ZFAND3: variants seen among roughly 807,000 people sequenced by gnomAD.
ZFAND3 encodes AN1-type zinc finger protein 3.
Under a neutral mutation model 29.6 loss-of-function variants are expected in ZFAND3, and 10 were observed. The observed-to-expected ratio is 0.34, with a 90% CI of 0.21 to 0.57. ZFAND3 has a LOEUF of 0.57. ZFAND3 is among the 20% of genes least tolerant of loss of function. ZFAND3 has a pLI of 0.86. For missense variants in ZFAND3, 230 were observed against 304.5 expected (o/e 0.76, Z 1.82); for synonymous variants, 128 against 112.6 (o/e 1.14, Z -0.87).
intron 2 of ZFAND3, among the ~76,000 whole-genome samples, chr6:37,960,533 T>G (rs978238562): frequency 1.3e-5 from 2 of 152,216 alleles, no homozygotes; most frequent in Non-Finnish European, 2.9e-5. Context: ...AATTACATCC[T>G]CTTAGCACGT....
At chr6:38,078,606 T>A (rs1229903658) in intron 3 of ZFAND3, among the ~76,000 whole-genome samples, 1 of 152,272 alleles carries the variant, frequency 6.6e-6, no homozygotes, top group South Asian at 2.1e-4. Context: ...ACTTTGTAAT[T>A]TTTTTAGACA....
chr6:37,914,961 A>G (rs1201922692), intron 1 of ZFAND3, among the ~76,000 whole-genome samples: 9 of 152,114 alleles, frequency 5.9e-5, no homozygotes, highest in Non-Finnish European at 1.3e-4. Context: ...CTAACTACGA[A>G]GTCCTCTGTA....
intron 2 of ZFAND3, among the ~76,000 whole-genome samples, chr6:38,002,535 C>T (rs138011866): frequency 6.6e-6 from 1 of 152,032 alleles, no homozygotes; most frequent in East Asian, 1.9e-4. Context: ...AAAAATTAGC[C>T]TGGCTCGGTG....
chr6:38,121,953 G>A (rs1261453661), intron 5 of ZFAND3, among the ~76,000 whole-genome samples: 1 of 152,192 alleles, frequency 6.6e-6, no homozygotes, highest in Admixed American at 6.5e-5. Context: ...GCCTAAGCCA[G>A]TCTCTGCTAG....
At chr6:38,018,314 A>G (rs540292880) in intron 2 of ZFAND3, among the ~76,000 whole-genome samples, 10 of 152,198 alleles carry the variant, frequency 6.6e-5, no homozygotes, top group Non-Finnish European at 1.2e-4. Context: ...ACCTAAAACT[A>G]TTGTTTTGTA....
chr6:37,921,105 CTT>C (rs1392887590), intron 1 of ZFAND3, among the ~76,000 whole-genome samples: 2 of 152,122 alleles, frequency 1.3e-5, no homozygotes, highest in Non-Finnish European at 2.9e-5. Flanking sequence ...TTCTCCTTCT[CTT>C]TGTCCTCTTA....
At chr6:38,111,288 T>G (rs1765310892) in intron 4 of ZFAND3, among the ~76,000 whole-genome samples, 1 of 152,208 alleles carries the variant, frequency 6.6e-6, no homozygotes, top group Non-Finnish European at 1.5e-5. Context: ...CTGAAAATAT[T>G]TGGGAAAAAA....
intron 2 of ZFAND3, among the ~76,000 whole-genome samples, chr6:37,946,235 C>G (rs1032795810): frequency 1.3e-5 from 2 of 152,166 alleles, no homozygotes; most frequent in Non-Finnish European, 2.9e-5. Context: ...CTTGTATTTC[C>G]TACCTGATCT....
At chr6:37,885,401 T>G (rs1305140552) in intron 1 of ZFAND3, among the ~76,000 whole-genome samples, 1 of 152,140 alleles carries the variant, frequency 6.6e-6, no homozygotes, top group Non-Finnish European at 1.5e-5. Flanking sequence ...CCCAGCACTC[T>G]GGGGGGCTGT....
intron 3 of ZFAND3, among the ~76,000 whole-genome samples, chr6:38,073,802 A>AT (rs1764502248): frequency 6.6e-6 from 1 of 152,210 alleles, no homozygotes; most frequent in South Asian, 2.1e-4. Flanking sequence ...AAAATTGAAC[A>AT]TATTTAACTG....
At chr6:38,146,163 GCC>G (rs60591705) in intron 5 of ZFAND3, among the ~76,000 whole-genome samples, 55,289 of 151,882 alleles carry the variant, frequency 0.36, 10,400 homozygotes, top group African/African-American at 0.41. Flanking sequence ...TGTTCCATGT[GCC>G]CCCTCGCGAT....
intron 4 of ZFAND3, among the ~76,000 whole-genome samples, chr6:38,106,793 C>A (rs1765219103): frequency 6.6e-6 from 1 of 152,148 alleles, no homozygotes; most frequent in African/African-American, 2.4e-5. Flanking sequence ...TACTTCAAAG[C>A]CCAATGTCTG....
intron 2 of ZFAND3, among the ~76,000 whole-genome samples, chr6:37,951,814 G>A (rs187042701): frequency 6.6e-6 from 1 of 152,100 alleles, no homozygotes; most frequent in African/African-American, 2.4e-5. Flanking sequence ...TGTTTAGTAT[G>A]ATGTTTGCTG....
intron 1 of ZFAND3, among the ~76,000 whole-genome samples, chr6:37,859,272 T>G (rs540662698): frequency 5.9e-5 from 9 of 152,358 alleles, no homozygotes; most frequent in African/African-American, 2.2e-4. Context: ...AAATTTATGT[T>G]TAGATTCTAT....
rs549276947 is a variant in ZFAND3 at position 37,929,763 on chromosome 6, G to GTT, written c.72-185_72-184dup. Among the ~76,000 whole-genome samples, 984 of 146,056 alleles carry GTT rather than the reference G, an allele frequency of 6.7e-3. 15 individuals are homozygous for GTT. Among genetic ancestry groups the GTT allele is most frequent in the African/African-American group, 0.021 (845 of 39,994 alleles). ...ATAAAAACCAAGTGTTTATATTTTT[G>GTT]TTTTTTTTTTTTAATTTTTATTTTG... On this transcript the variant is annotated intron_variant, in intron 1 of 5. Transcript: ENST00000287218.
intron 2 of ZFAND3, among the ~76,000 whole-genome samples, chr6:37,952,389 T>C (rs1380784304): frequency 1.3e-5 from 2 of 152,160 alleles, no homozygotes; most frequent in East Asian, 3.9e-4. Context: ...AACTTGATAT[T>C]GGTCTGCTTA....
intron 5 of ZFAND3, among the ~76,000 whole-genome samples, chr6:38,123,274 A>G (rs1413215762): frequency 1.3e-5 from 2 of 152,356 alleles, no homozygotes; most frequent in East Asian, 1.9e-4. Context: ...GAGTGGGGCA[A>G]GGAGCTGCAG....
chr6:38,136,158 C>G (rs1261314069), intron 5 of ZFAND3, among the ~76,000 whole-genome samples: 3 of 152,132 alleles, frequency 2.0e-5, no homozygotes, highest in African/African-American at 7.2e-5. Flanking sequence ...CCGCTTATTT[C>G]CTCCTGAGAT....
chr6:37,908,994 C>T (rs1765468857), intron 1 of ZFAND3, among the ~76,000 whole-genome samples: 1 of 152,034 alleles, frequency 6.6e-6, no homozygotes. Flanking sequence ...ACATTGTCTC[C>T]TTAGGTTTCT....
Sources: allele counts gnomAD v4.1 joint callset (sites outside exome capture counted in the v4.1 genomes callset), GRCh38; gene constraint gnomAD v4.1.1; transcripts MANE v1.5; gene names NCBI Gene and HGNC (gene_info 2026-07-23, HGNC 2026-07-21).